Variants in SLC30A7 observed in about 807,000 individuals in gnomAD.
The protein encoded by SLC30A7 is zinc transporter 7.
A neutral mutation model predicts 46.0 loss-of-function variants in SLC30A7; 35 were observed. That is an observed-to-expected ratio of 0.76 (90% CI 0.58 to 1.01). The LOEUF (loss-of-function observed/expected upper bound fraction) is 1.01. SLC30A7 is among the 50% of genes least tolerant of loss of function. The pLI is 0.00. For missense variants in SLC30A7, 464 were observed against 451.1 expected (o/e 1.03, Z -0.26); for synonymous variants, 147 against 157.8 (o/e 0.93, Z 0.51).
downstream of SLC30A7, among the ~76,000 whole-genome samples, chr1:100,985,098 G>C (rs2101117860): frequency 6.6e-6 from 1 of 152,294 alleles, no homozygotes; most frequent in South Asian, 2.1e-4. Context: ...TGAATTCATA[G>C]ATGGATAAAA....
intron 7 of SLC30A7, among the ~76,000 whole-genome samples, chr1:100,919,747 A>G (rs557868314): frequency 6.6e-6 from 1 of 152,166 alleles, no homozygotes; most frequent in Non-Finnish European, 1.5e-5. Context: ...AATATTTATC[A>G]ATTTATGGTG....
At chr1:100,984,319 C>T (rs1657148651), downstream of SLC30A7, among the ~76,000 whole-genome samples, 1 of 152,090 alleles carries the variant, frequency 6.6e-6, no homozygotes, top group African/African-American at 2.4e-5. Context: ...AACTAGATGC[C>T]CAATTTTCTG....
intron 2 of SLC30A7, among the ~76,000 whole-genome samples, chr1:100,904,929 G>A (rs1390591867): frequency 6.6e-6 from 1 of 151,938 alleles, no homozygotes; most frequent in African/African-American, 2.4e-5. Flanking sequence ...ACTCTACTGT[G>A]TGTATGTTTA....
chr1:100,985,159 G>A (rs1396724235), downstream of SLC30A7, among the ~76,000 whole-genome samples: 2 of 152,190 alleles, frequency 1.3e-5, no homozygotes, highest in Non-Finnish European at 2.9e-5. Context: ...CAACAACAAT[G>A]AACAAAGCTC....
chr1:100,924,729 G>GT (rs746598862), intron 8 of SLC30A7, among the ~76,000 whole-genome samples: 2,013 of 146,364 alleles, frequency 0.014, 27 homozygotes, highest in Middle Eastern at 0.033. Context: ...AAATTTGTGG[G>GT]TTTTTTTTTT....
intron 2 of SLC30A7, among the ~76,000 whole-genome samples, chr1:100,905,326 G>A (rs1651581835): frequency 1.3e-5 from 2 of 151,018 alleles, no homozygotes; most frequent in African/African-American, 2.4e-5. Flanking sequence ...CTTCCCCTCT[G>A]GTTTTCAAAG....
At chr1:100,915,193 T>TTTTCTTTCTTTCTTTCTTTC (rs200989431) in intron 6 of SLC30A7, among the ~76,000 whole-genome samples, 59 of 90,860 alleles carry the variant, frequency 6.5e-4, no homozygotes, top group East Asian at 1.8e-3. Context: ...CTTTTCTTTC[T>TTTTCTTTCTTTCTTTCTTTC]TTTCTTTCTT....
At chr1:100,911,279 C>A (rs1463469025) in intron 4 of SLC30A7, 129 bp downstream of exon 4, 8 of 581,854 alleles carry the variant, frequency 1.4e-5, no homozygotes, top group East Asian at 3.1e-5. Flanking sequence ...TAGATATGTG[C>A]GTACAAGAGG....
At chr1:100,923,588 G>T (rs1653097199) in intron 8 of SLC30A7, among the ~76,000 whole-genome samples, 2 of 152,052 alleles carry the variant, frequency 1.3e-5, no homozygotes, top group South Asian at 4.1e-4. Flanking sequence ...GACCAGCCTG[G>T]GCAACATGGT....
intron 8 of SLC30A7, among the ~76,000 whole-genome samples, chr1:100,926,449 G>A (rs1213465045): frequency 6.6e-6 from 1 of 151,936 alleles, no homozygotes; most frequent in South Asian, 2.1e-4. Context: ...GAGAGAGAGA[G>A]AAAAAACAAT....
the SLC30A7 span, chr1:100,995,148 G>A: frequency 6.4e-7 from 1 of 1,569,196 alleles, no homozygotes; most frequent in Non-Finnish European, 8.8e-7. Flanking sequence ...TTACTTTGAT[G>A]TCTGTAGGAA....
intron 6 of SLC30A7, among the ~76,000 whole-genome samples, chr1:100,917,628 T>G (rs1292173491): frequency 6.6e-6 from 1 of 152,222 alleles, no homozygotes; most frequent in East Asian, 1.9e-4. Context: ...ATCTCTTCTG[T>G]ATCAAGAGTT....
At chr1:100,904,793 A>T (rs1340850330) in intron 2 of SLC30A7, among the ~76,000 whole-genome samples, 1 of 152,146 alleles carries the variant, frequency 6.6e-6, no homozygotes, top group Non-Finnish European at 1.5e-5. Flanking sequence ...TACCCAGTTT[A>T]TGGTGAAGGC....
In SLC30A7 at chr1:100,896,134, C is replaced by G. The variant is rs1650899440; in HGVS notation, c.-129C>G. On this transcript the variant is annotated 5_prime_UTR_variant, in exon 1 of 11. Coordinates refer to ENST00000357650, the MANE Select transcript of SLC30A7 (RefSeq NM_133496.5). ...GGTGTGTGTCTGTGTCTGTCTGTGTCTCGCAGCGGCGCGCGGCCCCGGACA... is the reference window on the plus strand; with the variant it reads ...GGTGTGTGTCTGTGTCTGTCTGTGTGTCGCAGCGGCGCGCGGCCCCGGACA... 1.2e-5 allele frequency: 9 copies of G among 781,302 alleles called. No homozygotes were observed. Among genetic ancestry groups the G allele is most frequent in the Non-Finnish European group, 1.8e-5 (8 of 454,494 alleles). The allele number at this position is 781,302 out of a possible 1,614,324, so 48.4% of individuals were successfully genotyped here.
At chr1:100,951,206 G>A (rs1213342240) in intron 8 of SLC30A7, among the ~76,000 whole-genome samples, 5 of 152,130 alleles carry the variant, frequency 3.3e-5, no homozygotes, top group African/African-American at 9.7e-5. Flanking sequence ...AAGGAAAAGG[G>A]GTGCGAAGCA....
the SLC30A7 span, chr1:100,990,620 C>G: frequency 6.2e-7 from 1 of 1,613,928 alleles, no homozygotes; most frequent in Admixed American, 1.7e-5. Context: ...CAAAGTGTCT[C>G]CTCGGTAACT....
At chr1:100,946,647 GGT>G (rs1654656639) in intron 8 of SLC30A7, among the ~76,000 whole-genome samples, 1 of 152,176 alleles carries the variant, frequency 6.6e-6, no homozygotes, top group Non-Finnish European at 1.5e-5. Flanking sequence ...ACTTGATCAT[GGT>G]GGATAAGCTT....
At chr1:100,897,238 A>G (rs979826390) in intron 2 of SLC30A7, among the ~76,000 whole-genome samples, 5 of 152,130 alleles carry the variant, frequency 3.3e-5, no homozygotes, top group Admixed American at 3.3e-4. Context: ...TATAGTTTCT[A>G]GAAACAACAT....
At chr1:100,992,722 T>A in the SLC30A7 span, 5 of 1,612,656 alleles carry the variant, frequency 3.1e-6, no homozygotes, top group Non-Finnish European at 3.4e-6. Context: ...ACCGTGGAGG[T>A]TCATAGATCT....
Sources: allele counts gnomAD v4.1 joint callset (sites outside exome capture counted in the v4.1 genomes callset), GRCh38; gene constraint gnomAD v4.1.1; transcripts MANE v1.5; gene names NCBI Gene and HGNC (gene_info 2026-07-23, HGNC 2026-07-21).